Variants in PDE8A observed in about 807,000 individuals in gnomAD.
PDE8A encodes high affinity cAMP-specific and IBMX-insensitive 3',5'-cyclic phosphodiesterase 8A.
In PDE8A, 59 loss-of-function variants were observed where a neutral mutation model predicts 105.0. That is an observed-to-expected ratio of 0.56 (90% CI 0.46 to 0.70). The LOEUF (loss-of-function observed/expected upper bound fraction) is 0.70. Ranked by LOEUF, PDE8A falls within the 30% of genes least tolerant of loss-of-function variation. The probability of loss-of-function intolerance (pLI) is 0.00; values close to 1 mark genes in which losing one functional copy is unlikely to be tolerated. For missense variants in PDE8A, 1,014 were observed against 1,045.9 expected (o/e 0.97, Z 0.42); for synonymous variants, 355 against 371.9 (o/e 0.95, Z 0.52).
intron 1 of PDE8A, chr15:85,062,879 C>A (rs1350148304): frequency 6.6e-6 from 1 of 152,230 alleles, no homozygotes; most frequent in Non-Finnish European, 1.5e-5. Flanking sequence ...CTACTGTCTT[C>A]TCTAAATCCA....
chr15:85,062,222 A>G (rs1288983126), intron 1 of PDE8A, among the ~76,000 whole-genome samples: 1 of 152,120 alleles, frequency 6.6e-6, no homozygotes, highest in African/African-American at 2.4e-5. Context: ...TCTGGAAATC[A>G]TTCTCCGTCT....
intron 3 of PDE8A, among the ~76,000 whole-genome samples, chr15:85,069,229 A>T (rs909086500): frequency 1.3e-5 from 2 of 152,220 alleles, no homozygotes; most frequent in Non-Finnish European, 2.9e-5. Context: ...AAAGTAAAGA[A>T]TGGGAACTGG....
chr15:85,071,185 T>G (rs1437104201), intron 3 of PDE8A, among the ~76,000 whole-genome samples: 3 of 151,686 alleles, frequency 2.0e-5, no homozygotes, highest in African/African-American at 7.3e-5. Context: ...CTTCAGTCTT[T>G]GAAGCTGAAA....
At chr15:85,019,348 G>C (rs2080381218) in intron 1 of PDE8A, among the ~76,000 whole-genome samples, 1 of 152,124 alleles carries the variant, frequency 6.6e-6, no homozygotes, top group Non-Finnish European at 1.5e-5. Context: ...CAAAAAGATA[G>C]ACATAGCAAA....
chr15:85,137,231 G>A (rs1369243930), intron 21 of PDE8A, among the ~76,000 whole-genome samples: 1 of 152,218 alleles, frequency 6.6e-6, no homozygotes. Context: ...CAAGAAGGCC[G>A]TAGAACAGGG....
chr15:85,099,666 A>C (rs1275767910), intron 9 of PDE8A: 4 of 229,324 alleles, frequency 1.7e-5, no homozygotes, highest in Non-Finnish European at 3.4e-5. Context: ...TGGAACTTGA[A>C]GAAAAGCATC....
At chr15:85,028,967 G>T (rs1179503472) in intron 1 of PDE8A, among the ~76,000 whole-genome samples, 1 of 152,100 alleles carries the variant, frequency 6.6e-6, no homozygotes, top group Non-Finnish European at 1.5e-5. Flanking sequence ...AAGGATTGAT[G>T]GCAGCACAAA....
At position 85,121,029 on chromosome 15, in the gene PDE8A, T is replaced by A. The variant is rs752974624; in HGVS notation, c.1952+15T>A. The A allele has an allele frequency of 1.3e-6, 2 of 1,502,376 alleles. No individual in the cohort carries two copies. Among genetic ancestry groups the A allele is most frequent in the Non-Finnish European group, 9.2e-7 (1 of 1,085,268 alleles). The allele number at this position is 1,502,376 out of a possible 1,614,324, so 93.1% of individuals were successfully genotyped here. ...AACATGGAGAGGTAAGAACAATGAT[T>A]GGGAAGTGTGTTGATCCCTCTCTTT... is the stretch of plus-strand genomic sequence containing the variant. On this transcript the variant is annotated intron_variant, in intron 18 of 21. Coordinates refer to ENST00000394553, the MANE Select transcript of PDE8A (RefSeq NM_002605.3).
chr15:85,030,425 A>G (rs1438252783), intron 1 of PDE8A, among the ~76,000 whole-genome samples: 2 of 152,112 alleles, frequency 1.3e-5, no homozygotes, highest in Non-Finnish European at 2.9e-5. Context: ...ACTCACTTCC[A>G]GTGCTAAGCA....
chr15:85,064,330 C>T, intron 1 of PDE8A, 40 bp from the exon 2 acceptor site: 1 of 1,481,246 alleles, frequency 6.8e-7, no homozygotes, highest in Non-Finnish European at 9.4e-7. Context: ...TTCTCTTTCT[C>T]CGTTGTCTTT....
At chr15:85,072,197 T>C (rs1287296011) in intron 3 of PDE8A, among the ~76,000 whole-genome samples, 2 of 152,246 alleles carry the variant, frequency 1.3e-5, no homozygotes, top group Non-Finnish European at 2.9e-5. Flanking sequence ...TCATTCCACA[T>C]GGCAGAGAAA....
Position 85,096,442 on chromosome 15 carries a change from G to A in PDE8A, c.853-1506G>A, listed in dbSNP as rs1181361680. Among the ~76,000 whole-genome samples, 3 of 152,072 alleles carry A rather than the reference G, an allele frequency of 2.0e-5. No individual in the cohort carries two copies. The East Asian group carries it at 5.8e-4, about 29-fold the overall frequency. On this transcript the variant is annotated intron_variant, in intron 8 of 21. Coordinates refer to ENST00000394553, the MANE Select transcript of PDE8A (RefSeq NM_002605.3). ...CCACTGCACTCCAGCCTGGGTGAAT[G>A]GCGAGAACCTGTCTCAAAAGATAAA... is the stretch of plus-strand genomic sequence containing the variant.
chr15:85,114,629 C>G (rs1320117712), intron 14 of PDE8A, among the ~76,000 whole-genome samples: 1 of 152,192 alleles, frequency 6.6e-6, no homozygotes, highest in Non-Finnish European at 1.5e-5. Context: ...TTCCATTGCT[C>G]TCTGTCAGCT....
intron 1 of PDE8A, among the ~76,000 whole-genome samples, chr15:84,992,723 G>A (rs1408375670): frequency 6.6e-6 from 1 of 152,190 alleles, no homozygotes; most frequent in East Asian, 1.9e-4. Context: ...ATTGGACTTG[G>A]TGAGTGAAAG....
intron 1 of PDE8A, among the ~76,000 whole-genome samples, chr15:84,991,732 A>G (rs1220928830): frequency 1.3e-5 from 2 of 152,246 alleles, no homozygotes; most frequent in Admixed American, 1.3e-4. Context: ...GATATGTTCA[A>G]AGAAAGGAAT....
At chr15:85,125,766 A>G (rs1435805775) in intron 19 of PDE8A, among the ~76,000 whole-genome samples, 1 of 152,170 alleles carries the variant, frequency 6.6e-6, no homozygotes, top group Non-Finnish European at 1.5e-5. Context: ...GGGCTGCAAG[A>G]GCCCATTTGT....
At chr15:85,134,449 C>T (rs2082374430) in intron 20 of PDE8A, among the ~76,000 whole-genome samples, 1 of 152,220 alleles carries the variant, frequency 6.6e-6, no homozygotes, top group African/African-American at 2.4e-5. Context: ...ATGGCAGAGA[C>T]TCGTGTAGGG....
intron 1 of PDE8A, among the ~76,000 whole-genome samples, chr15:85,058,474 G>C (rs1425730980): frequency 6.6e-6 from 1 of 152,178 alleles, no homozygotes; most frequent in Non-Finnish European, 1.5e-5. Flanking sequence ...AGTTTGAGAA[G>C]GATTGTATTA....
intron 1 of PDE8A, among the ~76,000 whole-genome samples, chr15:85,047,038 G>A (rs771369619): frequency 6.6e-6 from 1 of 152,038 alleles, no homozygotes; most frequent in African/African-American, 2.4e-5. Context: ...GATTAAGAAC[G>A]TGTATAATTA....
Sources: gnomAD v4.1 joint callset for allele counts (sites outside exome capture counted in the v4.1 genomes callset) on GRCh38, gnomAD v4.1.1 for gene constraint, MANE v1.5 for transcripts, NCBI Gene and HGNC (gene_info 2026-07-23, HGNC 2026-07-21) for gene names.